Variants in ROBO4 observed in about 807,000 individuals in gnomAD.
The protein encoded by ROBO4 is roundabout guidance receptor 4.
A neutral mutation model predicts 103.3 loss-of-function variants in ROBO4; 80 were observed. That is an observed-to-expected ratio of 0.77 (90% CI 0.65 to 0.93). ROBO4 has a LOEUF of 0.93. ROBO4 is among the 40% of genes least tolerant of loss of function. The probability of loss-of-function intolerance (pLI) is 0.00; values close to 1 mark genes in which losing one functional copy is unlikely to be tolerated. For synonymous variants in ROBO4, 504 were observed against 529.7 expected (o/e 0.95, Z 0.67); for missense variants, 1,333 against 1,305.3 (o/e 1.02, Z -0.33).
chr11:124,893,351 G>T (rs1374044353), intron 10 of ROBO4, among the ~76,000 whole-genome samples: 1 of 152,220 alleles, frequency 6.6e-6, no homozygotes, highest in East Asian at 1.9e-4. Context: ...CTACTTGGTA[G>T]ACCATGGGTG....
At position 124,892,078 on chromosome 11, in the gene ROBO4, A is replaced by G. The variant is rs939610868; in HGVS notation, c.1548-276T>C. 15 of 639,942 alleles carry G rather than the reference A, an allele frequency of 2.3e-5. No homozygotes were observed. The African/African-American group carries it at 2.7e-4, about 11-fold the overall frequency. 39.6% of individuals were successfully genotyped at this position (639,942 alleles called of 1,614,324 possible). Reference sequence around the variant, plus strand: ...CAGCTATGTATGCTGAGGTAAAAAGAAGACCTGAAGACAAATCTGGTTTGA... The same window carrying G: ...CAGCTATGTATGCTGAGGTAAAAAGGAGACCTGAAGACAAATCTGGTTTGA... On this transcript the variant is annotated intron_variant, in intron 10 of 17. Coordinates refer to ENST00000306534, the MANE Select transcript of ROBO4 (RefSeq NM_019055.6).
chr11:124,888,746 A>G (rs1946756224), intron 12 of ROBO4, among the ~76,000 whole-genome samples: 1 of 152,236 alleles, frequency 6.6e-6, no homozygotes, highest in Non-Finnish European at 1.5e-5. Context: ...AGCCCTAACT[A>G]TGTGCAATGA....
chr11:124,897,675 G>T (rs1216870796), intron 1 of ROBO4, 51 bp downstream of exon 1: 4 of 1,558,038 alleles, frequency 2.6e-6, no homozygotes, highest in Non-Finnish European at 3.5e-6. Flanking sequence ...CTTCTGCCCT[G>T]AGCAGGCCTT....
At chr11:124,895,265 G>T (rs973897814) in intron 6 of ROBO4, 72 bp from the exon 7 acceptor site, 1 of 1,311,640 alleles carries the variant, frequency 7.6e-7, no homozygotes, top group Non-Finnish European at 1.1e-6. Flanking sequence ...TGGGCTGGGG[G>T]ACACAGCGTC....
At position 124,886,643 on chromosome 11, in the gene ROBO4, G is replaced by C. The variant is rs747691364; in HGVS notation, c.2615C>G (p.Ser872Cys). The change falls in exon 16 of 18, where the codon TCC becomes TGC. Residue 872 changes from serine to cysteine, a missense_variant. By Grantham distance (112) the Ser-to-Cys change is moderately radical. Coordinates refer to ENST00000306534, the MANE Select transcript of ROBO4 (RefSeq NM_019055.6). ...PCLTPTPSEGSLANGWGSASE... is the reference protein window; with the variant it reads ...PCLTPTPSEGCLANGWGSASE... ...GGCTGAGCCCCAACCATTGGCTAAG[G>C]AGCCCTCGCTGGGGGTGGGGGTGAG... 1 of 1,614,084 alleles carries C rather than the reference G, an allele frequency of 6.2e-7. No homozygotes were observed. Among genetic ancestry groups the C allele is most frequent in the Admixed American group, 1.7e-5 (1 of 60,032 alleles).
intron 15 of ROBO4, 49 bp downstream of exon 15, chr11:124,886,928 G>A (rs767789748): frequency 6.4e-7 from 1 of 1,563,702 alleles, no homozygotes; most frequent in Non-Finnish European, 8.7e-7. Flanking sequence ...AGAGGCGCTT[G>A]CCCCCACAGC....
At position 124,887,514 on chromosome 11, in the gene ROBO4, C is replaced by A; in HGVS notation, c.2057-15G>T. Reference sequence around the variant, plus strand: ...GGGCACAGCTCCTGGGGAAGAGAAGCCTGGGTGTGAGAACAGTGGCATCCC... The same window carrying A: ...GGGCACAGCTCCTGGGGAAGAGAAGACTGGGTGTGAGAACAGTGGCATCCC... On this transcript the variant is annotated splice_polypyrimidine_tract_variant and intron_variant, in intron 13 of 17. Coordinates refer to ENST00000306534, the MANE Select transcript of ROBO4 (RefSeq NM_019055.6). 6.2e-7 allele frequency: 1 copy of A among 1,613,212 alleles called. No individual in the cohort carries two copies. Among genetic ancestry groups the A allele is most frequent in the Non-Finnish European group, 8.5e-7 (1 of 1,179,866 alleles).
At chr11:124,897,694 G>T (rs754447754) in intron 1 of ROBO4, 32 bp downstream of exon 1, 1 of 1,606,196 alleles carries the variant, frequency 6.2e-7, no homozygotes, top group East Asian at 2.2e-5. Flanking sequence ...TTGGATGGAG[G>T]AGCATGGGCC....
chr11:124,896,863 C>T (rs1946901703), intron 2 of ROBO4, 69 bp downstream of exon 2: 22 of 1,560,174 alleles, frequency 1.4e-5, no homozygotes, highest in Non-Finnish European at 1.9e-5. Context: ...CAGATGTTCC[C>T]TTGAACATTC....
Position 124,895,088 on chromosome 11 carries a change from C to G in ROBO4, c.1142G>C (p.Gly381Ala). 6.2e-7 allele frequency: 1 copy of G among 1,612,994 alleles called. No homozygotes were observed. Among genetic ancestry groups the G allele is most frequent in the Non-Finnish European group, 8.5e-7 (1 of 1,178,986 alleles). ...GACAGCTAGTGGGGGTACCTGGTAG[C>G]CACGGATGATGCCATTGTGGTTTTC... Reference protein sequence around the residue: ...PAENHNGIIRGYQVWSLGNTS... With the variant: ...PAENHNGIIRAYQVWSLGNTS... Residue 381 changes from glycine (G) to alanine (A), a missense_variant, in exon 7 of 18, where the codon GGC (glycine) becomes GCC (alanine). Coordinates refer to ENST00000306534, the MANE Select transcript of ROBO4 (RefSeq NM_019055.6).
chr11:124,891,905 G>T, intron 10 of ROBO4, 103 bp from the exon 11 acceptor site: 2 of 1,316,504 alleles, frequency 1.5e-6, no homozygotes, highest in Non-Finnish European at 2.1e-6. Context: ...AGGGCAAGGA[G>T]ATGGTGGCTT....
Position 124,886,648 on chromosome 11 carries a change from C to T in ROBO4, c.2610G>A (p.Glu870=). The change falls in exon 16 of 18, where the codon GAG becomes GAA. Residue 870 remains glutamate (E), a synonymous_variant. Coordinates refer to ENST00000306534, the MANE Select transcript of ROBO4 (RefSeq NM_019055.6). ...PRPCLTPTPS[E]GSLANGWGSA... is the part of the protein sequence containing the mutation. ...AGCCCCAACCATTGGCTAAGGAGCC[C>T]TCGCTGGGGGTGGGGGTGAGGCAGG... 6.2e-7 allele frequency: 1 copy of T among 1,613,994 alleles called. No homozygotes were observed. The highest frequency in any genetic ancestry group is 8.5e-7 in the Non-Finnish European group (1 of 1,179,900).
intron 16 of ROBO4, among the ~76,000 whole-genome samples, 164 bp from the exon 17 acceptor site, chr11:124,885,411 G>A (rs578071543): frequency 5.3e-5 from 8 of 152,276 alleles, no homozygotes; most frequent in South Asian, 2.1e-4. Context: ...CCAGGGGCCC[G>A]ATCCATTTGT....
rs755405569 is a variant in ROBO4, at chr11:124,886,701, C to G, written c.2557G>C (p.Gly853Arg). 5.0e-6 allele frequency: 8 copies of G among 1,609,062 alleles called. No homozygotes were observed. The highest frequency in any genetic ancestry group is 6.8e-6 in the Non-Finnish European group (8 of 1,176,238). The change falls in exon 16 of 18, where the codon GGG becomes CGG. Residue 853 changes from glycine to arginine, a missense_variant. Gly to Arg is a moderately radical substitution (Grantham distance 125). Coordinates refer to ENST00000306534, the MANE Select transcript of ROBO4 (RefSeq NM_019055.6). ...GRTGGGVGPK[G>R]GVLLCPPRPC... ...CGAGGTGGGCACAGCAAGACTCCCC[C>G]CTTGGGCCCCACCCCTCCTCCAGTC...
chr11:124,884,766 G>C lies in ROBO4; in HGVS notation c.*125C>G. 1 of 1,058,004 alleles carries C rather than the reference G, an allele frequency of 9.5e-7. No homozygotes were observed. The highest frequency in any genetic ancestry group is 1.5e-6 in the Non-Finnish European group (1 of 680,884). 65.5% of individuals were successfully genotyped at this position (1,058,004 alleles called of 1,614,324 possible). A position where few individuals can be genotyped will look rare whatever the true frequency, so the allele number is the denominator to read the frequency against. On this transcript the variant is annotated 3_prime_UTR_variant, in exon 18 of 18. Coordinates refer to ENST00000306534, the MANE Select transcript of ROBO4 (RefSeq NM_019055.6). ...ATCGTGGAGGGAGAACTCTCTGGAGGCTTGGGAAGGTGGACCCCAGCTGCA... is the reference window on the plus strand; with the variant it reads ...ATCGTGGAGGGAGAACTCTCTGGAGCCTTGGGAAGGTGGACCCCAGCTGCA...
At chr11:124,897,387 G>A (rs1946913101) in intron 1 of ROBO4, 126 bp from the exon 2 acceptor site, 2 of 759,704 alleles carry the variant, frequency 2.6e-6, no homozygotes, top group African/African-American at 1.8e-5. Flanking sequence ...ACTACTAAAG[G>A]TTGCCTCCCA....
chr11:124,887,400 A>G lies in ROBO4; in HGVS notation c.2156T>C (p.Leu719Pro), dbSNP rs1388193119. ...LVTRHLPPAP[L>P]FPHETPPTQS... is the part of the protein sequence containing the mutation. ...AGTTGGGGGAGTTTCATGAGGAAAG[A>G]GGGGTGCTGGAGGGAGATGACGAGT... The change falls in exon 14 of 18, where the codon CTC (leucine) becomes CCC (proline). Residue 719 changes from leucine (L) to proline (P), a missense_variant. By Grantham distance (98) the Leu-to-Pro change is moderately conservative. Coordinates refer to ENST00000306534, the MANE Select transcript of ROBO4 (RefSeq NM_019055.6). The G allele has an allele frequency of 6.2e-7, 1 of 1,613,932 alleles. No homozygotes were observed. Among genetic ancestry groups the G allele is most frequent in the South Asian group, 1.1e-5 (1 of 91,074 alleles).
Position 124,886,574 on chromosome 11 carries a change from G to T in ROBO4, c.2684C>A (p.Ser895Tyr). 2 of 1,614,222 alleles carry T rather than the reference G, an allele frequency of 1.2e-6. No homozygotes were observed. Among genetic ancestry groups the T allele is most frequent in the Non-Finnish European group, 1.7e-6 (2 of 1,180,050 alleles). Residue 895 changes from serine (S) to tyrosine (Y), a missense_variant, in exon 16 of 18, where the codon TCC (serine) becomes TAC (tyrosine). Transcript: ENST00000306534. ...ATCAGCGAGGAAGGAGCCATCGGAG[G>T]AGCTGACAAGGCTGGCTCTGGCGCT... ...AASARASLVS[S>Y]SDGSFLADAH...
chr11:124,895,365 C>T, intron 6 of ROBO4, 92 bp downstream of exon 6: 5 of 1,298,922 alleles, frequency 3.8e-6, no homozygotes, highest in Non-Finnish European at 5.4e-6. Flanking sequence ...CCATAATCTC[C>T]CCTCAAGACT....
Sources: allele counts gnomAD v4.1 joint callset (sites outside exome capture counted in the v4.1 genomes callset), GRCh38; gene constraint gnomAD v4.1.1; transcripts MANE v1.5; gene names NCBI Gene and HGNC (gene_info 2026-07-23, HGNC 2026-07-21).